The following CTNNA2 variants were observed in gnomAD, a reference collection of about 807,000 sequenced individuals.
CTNNA2 encodes catenin alpha 2, also known as catenin alpha-2.
Under a neutral mutation model 101.0 loss-of-function variants are expected in CTNNA2, and 42 were observed. The observed-to-expected ratio is 0.42, with a 90% confidence interval of 0.32 to 0.54. CTNNA2 has a LOEUF of 0.54. Among genes scored for constraint, CTNNA2 ranks in the 20% least tolerant of loss-of-function variants. CTNNA2 has a pLI of 0.14. For missense variants in CTNNA2, 871 were observed against 1,223.1 expected (o/e 0.71, Z 4.29); for synonymous variants, 450 against 456.4 (o/e 0.99, Z 0.18).
At chr2:79,585,551 T>C (rs182445090) in intron 1 of CTNNA2, among the ~76,000 whole-genome samples, 56 of 152,282 alleles carry the variant, frequency 3.7e-4, no homozygotes, top group Admixed American at 3.6e-3. Flanking sequence ...TGGTTTAATA[T>C]ATGGTACTCT....
chr2:80,211,042 T>C (rs867238191), intron 7 of CTNNA2, among the ~76,000 whole-genome samples: 1 of 152,212 alleles, frequency 6.6e-6, no homozygotes, highest in Non-Finnish European at 1.5e-5. Flanking sequence ...TCATATCCTT[T>C]GCCCACTTTT....
intron 3 of CTNNA2, among the ~76,000 whole-genome samples, chr2:79,358,171 C>A (rs1677549697): frequency 6.6e-6 from 1 of 151,294 alleles, no homozygotes; most frequent in African/African-American, 2.4e-5. Context: ...AAGACTCCAG[C>A]CTTGAATGGA....
chr2:80,541,859 A>G (rs896388934), intron 9 of CTNNA2, among the ~76,000 whole-genome samples: 1 of 83,340 alleles, frequency 1.2e-5, no homozygotes, highest in African/African-American at 4.6e-5. Flanking sequence ...AGCTGTTGAT[A>G]TAATACTTTG....
At chr2:80,463,658 A>T (rs769923184) in intron 9 of CTNNA2, among the ~76,000 whole-genome samples, 2 of 152,198 alleles carry the variant, frequency 1.3e-5, no homozygotes, top group Non-Finnish European at 2.9e-5. Context: ...GCTTGTGATG[A>T]AGCATTTCCA....
At chr2:80,601,436 TGATGAGTTC>T (rs1697521224) in intron 15 of CTNNA2, among the ~76,000 whole-genome samples, 5 of 145,322 alleles carry the variant, frequency 3.4e-5, no homozygotes, top group Admixed American at 1.4e-4. Flanking sequence ...TTTTTTTTTT[TGATGAGTTC>T]TATCTGACAA....
intron 7 of CTNNA2, among the ~76,000 whole-genome samples, chr2:80,348,837 C>T (rs1038325983): frequency 1.3e-5 from 2 of 151,884 alleles, no homozygotes; most frequent in African/African-American, 2.4e-5. Flanking sequence ...TTGTTAGGTG[C>T]GCTGGGTAGG....
At chr2:79,244,989 G>A (rs141569528) in intron 2 of CTNNA2, among the ~76,000 whole-genome samples, 44 of 152,092 alleles carry the variant, frequency 2.9e-4, no homozygotes, top group African/African-American at 1.0e-3. Context: ...CAGCTACTAC[G>A]GAGGCTGAGG....
intron 9 of CTNNA2, among the ~76,000 whole-genome samples, chr2:80,453,025 C>T (rs1029228411): frequency 2.0e-5 from 3 of 152,084 alleles, no homozygotes; most frequent in African/African-American, 7.2e-5. Context: ...AGCCTGGGAC[C>T]TCTTTGAAGG....
intron 4 of CTNNA2, among the ~76,000 whole-genome samples, chr2:79,454,777 G>T (rs375626821): frequency 6.6e-6 from 1 of 152,086 alleles, no homozygotes; most frequent in Admixed American, 6.6e-5. Context: ...TAAATAAGTA[G>T]AAACAAAATT....
intron 1 of CTNNA2, among the ~76,000 whole-genome samples, chr2:79,528,393 A>ATTG (rs1175315156): frequency 2.0e-5 from 3 of 151,796 alleles, no homozygotes; most frequent in Admixed American, 1.3e-4. Flanking sequence ...TATTATTATT[A>ATTG]TTATTTTGTA....
At chr2:79,787,859 T>G (rs1674968712) in intron 3 of CTNNA2, among the ~76,000 whole-genome samples, 1 of 152,110 alleles carries the variant, frequency 6.6e-6, no homozygotes, top group East Asian at 1.9e-4. Flanking sequence ...TCTTCCCCTC[T>G]CCAGACCTAT....
intron 7 of CTNNA2, among the ~76,000 whole-genome samples, chr2:79,953,553 C>T (rs1351529140): frequency 6.6e-6 from 1 of 152,172 alleles, no homozygotes; most frequent in South Asian, 2.1e-4. Context: ...ATTTCACCCT[C>T]GCTCCAGCAC....
rs59875841 is a variant in CTNNA2, at chr2:80,462,801, C to T, written c.1290+43200C>T. Among the ~76,000 whole-genome samples the T allele has an allele frequency of 4.0e-3, 607 of 152,052 alleles. 15 individuals carry two copies. In the East Asian group the frequency reaches 0.072, roughly 18 times the overall value. On this transcript the variant is annotated intron_variant, in intron 9 of 18. Coordinates refer to ENST00000402739, the MANE Select transcript of CTNNA2 (RefSeq NM_001282597.3). ...CGCACTCTTTGGGTGTTATCCTCAA[C>T]GGTGTCTTCTCTATTCGGTTTCTTT...
At chr2:79,708,806 T>C (rs567521816) in intron 2 of CTNNA2, among the ~76,000 whole-genome samples, 1 of 152,316 alleles carries the variant, frequency 6.6e-6, no homozygotes, top group African/African-American at 2.4e-5. Context: ...TCAAAATATA[T>C]TGACATACAA....
chr2:80,063,129 A>G (rs1489747902), intron 7 of CTNNA2, among the ~76,000 whole-genome samples: 2 of 152,126 alleles, frequency 1.3e-5, no homozygotes, highest in Admixed American at 1.3e-4. Flanking sequence ...GAAGATGCCT[A>G]CACATCCTTC....
chr2:80,451,604 T>A (rs988873306), intron 9 of CTNNA2, among the ~76,000 whole-genome samples: 2 of 152,226 alleles, frequency 1.3e-5, no homozygotes, highest in African/African-American at 4.8e-5. Context: ...CAAGAGACAG[T>A]TGTGAGAATC....
intron 7 of CTNNA2, among the ~76,000 whole-genome samples, chr2:80,093,207 A>T (rs1293136721): frequency 6.6e-6 from 1 of 151,176 alleles, no homozygotes; most frequent in Admixed American, 6.6e-5. Flanking sequence ...TCCTGTGTCC[A>T]TGTGTTCTCA....
chr2:79,982,298 A>G (rs1005812304), intron 7 of CTNNA2, among the ~76,000 whole-genome samples: 2 of 136,074 alleles, frequency 1.5e-5, no homozygotes, highest in African/African-American at 6.2e-5. Context: ...CATATATAAC[A>G]TATATAAAAC....
intron 9 of CTNNA2, among the ~76,000 whole-genome samples, chr2:80,446,322 T>A (rs1466728544): frequency 6.6e-6 from 1 of 152,186 alleles, no homozygotes; most frequent in Admixed American, 6.5e-5. Context: ...GCTATCCAGA[T>A]GAGTATGATG....
Sources: gnomAD v4.1 joint callset for allele counts (sites outside exome capture counted in the v4.1 genomes callset) on GRCh38, gnomAD v4.1.1 for gene constraint, MANE v1.5 for transcripts, NCBI Gene and HGNC (gene_info 2026-07-23, HGNC 2026-07-21) for gene names.